The following RGS3 variants were observed in gnomAD, a reference collection of about 807,000 sequenced individuals.
RGS3 encodes the protein regulator of G-protein signalling 3.
In RGS3, 80 loss-of-function variants were observed where a neutral mutation model predicts 132.6. That is an observed-to-expected ratio of 0.60 (90% CI 0.50 to 0.73). The LOEUF (loss-of-function observed/expected upper bound fraction) is 0.73, where lower values mean the gene tolerates loss of function less well. Ranked by LOEUF, RGS3 falls within the 30% of genes least tolerant of loss-of-function variation. The pLI, the probability that RGS3 is intolerant of heterozygous loss-of-function variation, is 0.00. For synonymous variants in RGS3, 598 were observed against 620.6 expected (o/e 0.96, Z 0.54); for missense variants, 1,382 against 1,530.8 (o/e 0.90, Z 1.62).
chr9:113,499,234 A>G (rs1215429990), intron 10 of RGS3, among the ~76,000 whole-genome samples: 3 of 151,696 alleles, frequency 2.0e-5, no homozygotes, highest in Non-Finnish European at 1.5e-5. Context: ...CTCAAAAAAA[A>G]AAAAAAAAAA....
chr9:113,463,654 T>A lies in RGS3; in HGVS notation c.415+1453T>A. ...CCCCATTCAAACCCGCGCGGGCCAA[T>A]CAGGGCCGGGCGCGCCCTGGCCGTT... On this transcript the variant is annotated intron_variant, in intron 3 of 24. Coordinates refer to ENST00000350696, the Ensembl canonical transcript of RGS3. The surrounding 1 kb of genome is among the most constrained non-coding windows in gnomAD (Gnocchi z 4.6). 8.4e-7 allele frequency: 1 copy of A among 1,190,188 alleles called. No homozygotes were observed. The highest frequency in any genetic ancestry group is 4.3e-5 in the Admixed American group (1 of 23,216). The allele number at this position is 1,190,188 out of a possible 1,614,324, so 73.7% of individuals were successfully genotyped here.
At chr9:113,446,733 A>G (rs1180266713) in intron 1 of RGS3, among the ~76,000 whole-genome samples, 1 of 152,150 alleles carries the variant, frequency 6.6e-6, no homozygotes, top group Non-Finnish European at 1.5e-5. Flanking sequence ...AACTCTGAAC[A>G]ATTTTGATGA....
intron 16 of RGS3, among the ~76,000 whole-genome samples, chr9:113,520,602 C>T (rs997464672): frequency 1.5e-4 from 22 of 151,016 alleles, no homozygotes; most frequent in Non-Finnish European, 5.9e-5. Context: ...CGGCTCCAGC[C>T]CTTCCCCTGC....
chr9:113,545,330 T>C (rs1054783959), intron 19 of RGS3, among the ~76,000 whole-genome samples: 1 of 152,226 alleles, frequency 6.6e-6, no homozygotes, highest in Admixed American at 6.5e-5. Context: ...ATGTGGAACC[T>C]GCCAGGTTTT....
intron 16 of RGS3, among the ~76,000 whole-genome samples, chr9:113,518,696 G>GT (rs1433152118): frequency 1.3e-5 from 2 of 152,142 alleles, no homozygotes; most frequent in East Asian, 3.9e-4. Context: ...GTTGCCTACT[G>GT]TATTTCTGGA....
chr9:113,583,500 G>A (rs1255118197), exon 20 of RGS3: 1 of 1,614,232 alleles, frequency 6.2e-7, no homozygotes, highest in Non-Finnish European at 8.5e-7. Flanking sequence ...TGGAGGAAGG[G>A]AAGGGGCCTG....
intron 11 of RGS3, 117 bp downstream of exon 9, chr9:113,505,640 C>G: frequency 1.3e-6 from 1 of 746,308 alleles, no homozygotes; most frequent in East Asian, 2.7e-5. Context: ...CCTGGCTTTT[C>G]AAAATGAAAA....
chr9:113,552,627 T>A (rs1218227746), intron 19 of RGS3, among the ~76,000 whole-genome samples: 9 of 152,212 alleles, frequency 5.9e-5, no homozygotes, highest in African/African-American at 2.2e-4. Flanking sequence ...TAATTGTAGC[T>A]TTATAATTCA....
chr9:113,446,210 T>G (rs1388493232), intron 1 of RGS3, among the ~76,000 whole-genome samples: 1 of 152,218 alleles, frequency 6.6e-6, no homozygotes, highest in African/African-American at 2.4e-5. Context: ...AATTTTCTCT[T>G]TCCATTGACA....
At chr9:113,531,532 C>G (rs985426647) in intron 18 of RGS3, among the ~76,000 whole-genome samples, 3 of 152,190 alleles carry the variant, frequency 2.0e-5, no homozygotes, top group Non-Finnish European at 4.4e-5. Flanking sequence ...TAAATGGTAG[C>G]TATTGTTATT....
rs1028949235 is a variant in RGS3 at position 113,506,260 on chromosome 9, C to T, written c.980-128C>T. ...GCACCAAGTTCAGTCCCTCATTTCA[C>T]GGATGAAGAAACTTAGAGAAAAAGG... On this transcript the variant is annotated intron_variant, in intron 11 of 24. Coordinates refer to ENST00000350696, the Ensembl canonical transcript of RGS3. This position sits in a 1 kb window ranked among gnomAD's most constrained non-coding sequence, Gnocchi z 4.7. 9.6e-6 allele frequency: 6 copies of T among 623,878 alleles called. No homozygotes were observed. Among genetic ancestry groups the T allele is most frequent in the South Asian group, 2.0e-5 (1 of 50,020 alleles). The allele number at this position is 623,878 out of a possible 1,614,324, so 38.6% of individuals were successfully genotyped here.
At chr9:113,557,116 A>AT (rs1833599391) in intron 19 of RGS3, among the ~76,000 whole-genome samples, 4 of 152,286 alleles carry the variant, frequency 2.6e-5, no homozygotes, top group Non-Finnish European at 5.9e-5. Context: ...TGCAGTATGC[A>AT]TTAGTCAGCA....
At chr9:113,519,405 A>G (rs961893696) in intron 16 of RGS3, among the ~76,000 whole-genome samples, 23 of 152,144 alleles carry the variant, frequency 1.5e-4, no homozygotes, top group African/African-American at 5.6e-4. Flanking sequence ...AGATTGAAGG[A>G]AACAATTTGA....
intron 5 of RGS3, among the ~76,000 whole-genome samples, chr9:113,483,526 G>T (rs1405550677): frequency 2.0e-5 from 3 of 152,210 alleles, no homozygotes; most frequent in Non-Finnish European, 4.4e-5. Flanking sequence ...ATCCTTCTGG[G>T]TTGGGCTTTT....
chr9:113,462,305 G>T (rs1422866346), intron 3 of RGS3: 1 of 632,302 alleles, frequency 1.6e-6, no homozygotes, highest in East Asian at 2.8e-5. Flanking sequence ...GGGGGAGAGT[G>T]GGGTGGGGTG....
intron 19 of RGS3, among the ~76,000 whole-genome samples, chr9:113,557,765 C>G (rs994544283): frequency 1.3e-5 from 2 of 152,024 alleles, no homozygotes; most frequent in Non-Finnish European, 2.9e-5. Context: ...CTGGGAGGAC[C>G]TGGGGAAAGT....
In RGS3 at chr9:113,573,810, T is replaced by C. The variant is rs1834391979; in HGVS notation, c.2038-9640T>C. Among the ~76,000 whole-genome samples the C allele has an allele frequency of 2.0e-5, 3 of 152,216 alleles. No individual in the cohort carries two copies. In the South Asian group the frequency reaches 6.2e-4, roughly 32 times the overall value. The stretch of plus-strand genomic sequence containing the variant: ...CCCTGCGTCTGGTATTGCTCTCCAC[T>C]GCCTAGCACAGAGCCAGGCCCAGGT... On this transcript the variant is annotated intron_variant, in intron 19 of 24. Coordinates refer to ENST00000350696, the Ensembl canonical transcript of RGS3.
chr9:113,484,121 C>CT lies in RGS3; in HGVS notation c.526-11dup, dbSNP rs780171005. 7 of 1,532,956 alleles carry CT rather than the reference C, an allele frequency of 4.6e-6. No individual in the cohort carries two copies. The highest frequency in any genetic ancestry group is 5.4e-6 in the Non-Finnish European group (6 of 1,106,668). 95.0% of individuals were successfully genotyped at this position (1,532,956 alleles called of 1,614,324 possible). A position where few individuals can be genotyped will look rare whatever the true frequency, so the allele number is the denominator to read the frequency against. ...CCATGAGATCCGCTAATCATGCTTC[C>CT]TTTTTTCCAATTCAAGATTTCTTTG... On this transcript the variant is annotated splice_polypyrimidine_tract_variant and intron_variant, in intron 5 of 24. Transcript: ENST00000350696.
intron 19 of RGS3, among the ~76,000 whole-genome samples, chr9:113,560,577 T>C (rs751580142): frequency 2.6e-5 from 4 of 152,248 alleles, no homozygotes; most frequent in Non-Finnish European, 5.9e-5. Context: ...TCTGTATCCT[T>C]AGTTCCTAGT....
Sources: allele counts gnomAD v4.1 joint callset (sites outside exome capture counted in the v4.1 genomes callset), GRCh38; gene constraint gnomAD v4.1.1; non-coding constraint Gnocchi (gnomAD v3.1); transcripts MANE v1.5; gene names NCBI Gene and HGNC (gene_info 2026-07-23, HGNC 2026-07-21).